Variants in KIFAP3 observed in about 807,000 individuals in gnomAD.
KIFAP3 encodes the protein kinesin-associated protein 3.
Under a neutral mutation model 106.5 loss-of-function variants are expected in KIFAP3, and 68 were observed. The ratio of observed to expected loss-of-function variants is 0.64; its 90% CI spans 0.53 to 0.78. The LOEUF (loss-of-function observed/expected upper bound fraction) is 0.78. Ranked by LOEUF, KIFAP3 falls within the 30% of genes least tolerant of loss-of-function variation. KIFAP3 has a pLI of 0.00. For synonymous variants in KIFAP3, 320 were observed against 311.5 expected (o/e 1.03, Z -0.29); for missense variants, 780 against 941.8 (o/e 0.83, Z 2.25).
rs772867399 is a variant in KIFAP3 at position 169,960,406 on chromosome 1, T to A, written c.2173+640A>T. On this transcript the variant is annotated intron_variant, in intron 18 of 19. Transcript: ENST00000361580. ...TAATGTTGGCAACAGTACAAAACAG[T>A]GAGAGCTGGAATATGCAAAAACTTA... Among the ~76,000 whole-genome samples, 60 of 152,026 alleles carry A rather than the reference T, an allele frequency of 3.9e-4. 1 individual carries two copies. The highest frequency in any genetic ancestry group is 1.3e-4 in the Admixed American group (2 of 15,254).
chr1:169,972,320 G>A (rs1665965815), intron 17 of KIFAP3, among the ~76,000 whole-genome samples, 193 bp downstream of exon 17: 1 of 151,876 alleles, frequency 6.6e-6, no homozygotes, highest in Non-Finnish European at 1.5e-5. Context: ...TTAAGGAGCC[G>A]ATGACTTAAA....
intron 3 of KIFAP3, among the ~76,000 whole-genome samples, chr1:170,046,210 C>CAAAAAAAAAAAAAAAAAAAAA (rs60580320): frequency 1.6e-4 from 9 of 56,916 alleles, no homozygotes; most frequent in Non-Finnish European, 2.4e-4. Flanking sequence ...TTCTCTGCTG[C>CAAAAAAAAAAAAAAAAAAAAA]AAAAAAAAAA....
intron 1 of KIFAP3, among the ~76,000 whole-genome samples, chr1:170,070,207 T>C (rs569443751): frequency 3.1e-4 from 47 of 152,140 alleles, no homozygotes; most frequent in Non-Finnish European, 5.6e-4. Context: ...GGACTTAATA[T>C]TGTTAAGATG....
At chr1:170,054,718 C>G (rs1207309478) in intron 2 of KIFAP3, among the ~76,000 whole-genome samples, 1 of 151,928 alleles carries the variant, frequency 6.6e-6, no homozygotes, top group Non-Finnish European at 1.5e-5. Flanking sequence ...AACAGAAAAC[C>G]AAACACCACA....
At chr1:170,017,083 C>T (rs1668559672) in intron 9 of KIFAP3, among the ~76,000 whole-genome samples, 1 of 151,984 alleles carries the variant, frequency 6.6e-6, no homozygotes, top group Admixed American at 6.6e-5. Context: ...GTGGTGAAAC[C>T]CCATCTCGAC....
chr1:169,978,317 T>A, intron 15 of KIFAP3, 134 bp from the exon 16 acceptor site: 1 of 581,416 alleles, frequency 1.7e-6, no homozygotes, highest in South Asian at 2.3e-5. Flanking sequence ...GGATTTAACT[T>A]CTATGTTCCT....
At chr1:170,067,383 C>CG (rs575086131) in intron 1 of KIFAP3, 92 of 152,328 alleles carry the variant, frequency 6.0e-4, no homozygotes, top group African/African-American at 2.1e-3. Context: ...AAAAACCTAT[C>CG]ACAATCAACC....
intron 10 of KIFAP3, among the ~76,000 whole-genome samples, chr1:170,011,582 G>A (rs1183747225): frequency 6.6e-6 from 1 of 151,770 alleles, no homozygotes; most frequent in African/African-American, 2.4e-5. Flanking sequence ...ACACATGTGA[G>A]GGTTGGGCTA....
intron 9 of KIFAP3, 184 bp downstream of exon 9, chr1:170,024,234 A>G (rs1668998538): frequency 7.1e-6 from 3 of 423,950 alleles, no homozygotes; most frequent in African/African-American, 2.0e-5. Flanking sequence ...AGCTTCAATC[A>G]CCTGGAATAT....
intron 10 of KIFAP3, among the ~76,000 whole-genome samples, chr1:170,006,238 T>C (rs768388775): frequency 5.3e-5 from 8 of 152,174 alleles, no homozygotes; most frequent in Non-Finnish European, 1.0e-4. Flanking sequence ...CTTTCATGTG[T>C]TCCTTTCATC....
intron 1 of KIFAP3, among the ~76,000 whole-genome samples, chr1:170,083,416 T>A (rs1672050570): frequency 6.6e-6 from 1 of 152,212 alleles, no homozygotes; most frequent in Admixed American, 6.5e-5. Context: ...TGTGGTGTAG[T>A]GGCTAAGAAC....
intron 10 of KIFAP3, among the ~76,000 whole-genome samples, chr1:169,997,287 G>A (rs1175521312): frequency 6.6e-6 from 1 of 152,114 alleles, no homozygotes; most frequent in Admixed American, 6.5e-5. Flanking sequence ...TCCTGGTAAA[G>A]CAATTAGCAC....
At chr1:169,927,078 T>C (rs751963858) in intron 19 of KIFAP3, among the ~76,000 whole-genome samples, 73 of 152,330 alleles carry the variant, frequency 4.8e-4, no homozygotes, top group Non-Finnish European at 7.9e-4. Flanking sequence ...AGATTGTTAA[T>C]TGATCATCAG....
intron 16 of KIFAP3, among the ~76,000 whole-genome samples, chr1:169,975,157 G>A (rs1334434709): frequency 6.6e-6 from 1 of 152,070 alleles, no homozygotes; most frequent in Non-Finnish European, 1.5e-5. Context: ...ATCAGCAGAT[G>A]AGGAACCCCC....
chr1:170,007,958 A>C (rs1281122088), intron 10 of KIFAP3, among the ~76,000 whole-genome samples: 1 of 152,182 alleles, frequency 6.6e-6, no homozygotes, highest in Non-Finnish European at 1.5e-5. Context: ...CCTCAGAAAT[A>C]ATGCCAAACA....
intron 10 of KIFAP3, among the ~76,000 whole-genome samples, chr1:170,004,406 C>T (rs1389379675): frequency 6.6e-6 from 1 of 152,008 alleles, no homozygotes; most frequent in East Asian, 1.9e-4. Flanking sequence ...CAAGTCAATC[C>T]TAAGCCAAAA....
chr1:169,933,537 C>A (rs187399977), intron 19 of KIFAP3, among the ~76,000 whole-genome samples: 11 of 152,096 alleles, frequency 7.2e-5, no homozygotes, highest in Admixed American at 5.9e-4. Flanking sequence ...TCTATATCAT[C>A]TTCAAAGAAT....
chr1:170,032,341 C>T lies in KIFAP3; in HGVS notation c.743-357G>A, dbSNP rs202230501. On this transcript the variant is annotated intron_variant, in intron 7 of 19. Coordinates refer to ENST00000361580, the MANE Select transcript of KIFAP3 (RefSeq NM_014970.4). ...TTCAACAGATTATCAAGTGGGTCCA[C>T]GAACCAAAAAAATTACTGCCTCAGA... 6.3e-5 allele frequency: 10 copies of T among 157,578 alleles called. No homozygotes were observed. The East Asian group carries it at 1.4e-3, about 23-fold the overall frequency. The allele number at this position is 157,578 out of a possible 1,614,324, so 9.8% of individuals were successfully genotyped here. A position where few individuals can be genotyped will look rare whatever the true frequency, so the allele number is the denominator to read the frequency against.
chr1:170,013,910 C>T (rs12127120), intron 10 of KIFAP3, among the ~76,000 whole-genome samples: 10,866 of 152,182 alleles, frequency 0.071, 431 homozygotes, highest in Non-Finnish European at 0.095. Context: ...ATCCCTGTTC[C>T]GTCACACTTC....
Sources: allele counts gnomAD v4.1 joint callset (sites outside exome capture counted in the v4.1 genomes callset), GRCh38; gene constraint gnomAD v4.1.1; transcripts MANE v1.5; gene names NCBI Gene and HGNC (gene_info 2026-07-23, HGNC 2026-07-21).